The following APBB2 variants were observed in gnomAD, a reference collection of about 807,000 sequenced individuals.
APBB2 encodes Fe65-like 1.
A neutral mutation model predicts 82.5 loss-of-function variants in APBB2; 38 were observed. The observed-to-expected ratio is 0.46, with a 90% CI of 0.36 to 0.60. The LOEUF (loss-of-function observed/expected upper bound fraction) is 0.60, where lower values mean the gene tolerates loss of function less well. Among genes scored for constraint, APBB2 ranks in the 20% least tolerant of loss-of-function variants. The pLI is 0.00. For missense variants in APBB2, 772 were observed against 972.3 expected, an observed-to-expected ratio of 0.79 and a Z score of 2.74; for synonymous variants, 341 against 368.2, an observed-to-expected ratio of 0.93 and a Z score of 0.85.
At chr4:40,910,422 A>G (rs1051957808) in intron 10 of APBB2, among the ~76,000 whole-genome samples, 1 of 151,822 alleles carries the variant, frequency 6.6e-6, no homozygotes, top group Non-Finnish European at 1.5e-5. Context: ...CTTTTTTTGT[A>G]GAGACGGGGT....
chr4:40,975,615 C>A (rs531905431), intron 6 of APBB2, among the ~76,000 whole-genome samples: 33 of 151,622 alleles, frequency 2.2e-4, no homozygotes, highest in Non-Finnish European at 3.7e-4. Context: ...GCCCCAGGCA[C>A]TGTATGAAAT....
At chr4:41,139,449 T>A (rs550735323) in intron 2 of APBB2, among the ~76,000 whole-genome samples, 3 of 152,272 alleles carry the variant, frequency 2.0e-5, no homozygotes, top group Non-Finnish European at 4.4e-5. Context: ...TATCCACATA[T>A]CTATATAAAA....
chr4:40,999,175 A>C (rs1014768165), intron 6 of APBB2, among the ~76,000 whole-genome samples: 1 of 152,188 alleles, frequency 6.6e-6, no homozygotes, highest in East Asian at 1.9e-4. Context: ...ACTACTCTGC[A>C]TCACACCTGT....
chr4:40,909,093 A>G (rs896140187), intron 10 of APBB2, among the ~76,000 whole-genome samples: 4 of 152,230 alleles, frequency 2.6e-5, no homozygotes, highest in Non-Finnish European at 5.9e-5. Flanking sequence ...CCCCTGTCAC[A>G]GTGGCCCTGC....
intron 7 of APBB2, among the ~76,000 whole-genome samples, chr4:40,939,045 C>T (rs968810491): frequency 5.3e-5 from 8 of 152,176 alleles, no homozygotes; most frequent in African/African-American, 4.8e-5. Context: ...TCATGCCCTG[C>T]ACCCACTCAG....
intron 15 of APBB2, 178 bp downstream of exon 15, chr4:40,825,709 C>T: frequency 3.4e-6 from 2 of 595,716 alleles, no homozygotes; most frequent in East Asian, 5.8e-5. Context: ...CGGGGCCTGT[C>T]CCTCTACTCA....
Position 40,816,031 on chromosome 4 carries a change from A to G in APBB2, c.*61T>C. On this transcript the variant is annotated 3_prime_UTR_variant, in exon 18 of 18. Coordinates refer to ENST00000508593, the MANE Select transcript of APBB2 (RefSeq NM_004307.2). Reference sequence around the variant, plus strand: ...GATGGAAGGTCGGATGGCGGAGTTCATTTTCTTTAGTGTAGCTAGTCAATC... The same window carrying G: ...GATGGAAGGTCGGATGGCGGAGTTCGTTTTCTTTAGTGTAGCTAGTCAATC... The G allele has an allele frequency of 6.4e-7, 1 of 1,573,810 alleles. No individual in the cohort carries two copies. Among genetic ancestry groups the G allele is most frequent in the East Asian group, 2.3e-5 (1 of 44,272 alleles).
At chr4:41,062,983 A>T (rs912362256) in intron 4 of APBB2, among the ~76,000 whole-genome samples, 1 of 152,234 alleles carries the variant, frequency 6.6e-6, no homozygotes, top group African/African-American at 2.4e-5. Context: ...TGAAAAAAGG[A>T]GCAAGTCCAC....
At chr4:41,142,216 C>T (rs1318848277) in intron 2 of APBB2, among the ~76,000 whole-genome samples, 1 of 152,198 alleles carries the variant, frequency 6.6e-6, no homozygotes, top group East Asian at 1.9e-4. Flanking sequence ...GACTTACCCA[C>T]TGAATGTCCA....
intron 10 of APBB2, among the ~76,000 whole-genome samples, chr4:40,899,654 T>A (rs1190702686): frequency 2.0e-5 from 3 of 152,246 alleles, no homozygotes; most frequent in African/African-American, 7.2e-5. Flanking sequence ...AAATATGGAC[T>A]TCGTTCTCTC....
At chr4:40,976,017 AC>A (rs1474304345) in intron 6 of APBB2, among the ~76,000 whole-genome samples, 1 of 152,074 alleles carries the variant, frequency 6.6e-6, no homozygotes, top group Non-Finnish European at 1.5e-5. Flanking sequence ...ATATTCAAAG[AC>A]TTTTATTAAA....
intron 2 of APBB2, among the ~76,000 whole-genome samples, chr4:41,116,072 C>T (rs1322197281): frequency 6.6e-6 from 1 of 152,330 alleles, no homozygotes; most frequent in East Asian, 1.9e-4. Context: ...CCTAAATGCC[C>T]ATCAATGATA....
intron 4 of APBB2, among the ~76,000 whole-genome samples, chr4:41,037,620 T>C (rs773898933): frequency 9.9e-5 from 15 of 152,214 alleles, no homozygotes; most frequent in Non-Finnish European, 1.6e-4. Context: ...CAAGGTCTAG[T>C]ACCACATTTT....
At chr4:41,154,711 A>T (rs1763047746) in intron 1 of APBB2, among the ~76,000 whole-genome samples, 1 of 152,212 alleles carries the variant, frequency 6.6e-6, no homozygotes, top group Non-Finnish European at 1.5e-5. Flanking sequence ...CTCTTTAGAC[A>T]TTTTGGCAGA....
In APBB2 at chr4:41,141,650, A is replaced by G. The variant is rs537876572; in HGVS notation, c.-261+1337T>C. ...TGCTGTACCTGAGACTGGGCAGTTT[A>G]CAAAAGAAAGAGGTTTAATGGACTT... On this transcript the variant is annotated intron_variant, in intron 2 of 17. Coordinates refer to ENST00000508593, the MANE Select transcript of APBB2 (RefSeq NM_004307.2). 7.2e-5 allele frequency among the ~76,000 whole-genome samples: 11 copies of G among 152,320 alleles called. No homozygotes were observed. The South Asian group carries it at 2.1e-3, about 29-fold the overall frequency.
At chr4:41,157,685 G>A (rs1227911243) in intron 1 of APBB2, among the ~76,000 whole-genome samples, 2 of 152,154 alleles carry the variant, frequency 1.3e-5, no homozygotes, top group African/African-American at 4.8e-5. Flanking sequence ...AATTTCCATG[G>A]CTCTTAGCTG....
At chr4:41,000,105 G>GTGTGTGTGTGTGTGTATA (rs10694468) in intron 6 of APBB2, among the ~76,000 whole-genome samples, 3 of 135,062 alleles carry the variant, frequency 2.2e-5, no homozygotes, top group Non-Finnish European at 4.7e-5. Context: ...GTGTGTGTGT[G>GTGTGTGTGTGTGTGTATA]TATAAATTAG....
intron 12 of APBB2, among the ~76,000 whole-genome samples, chr4:40,849,873 C>T (rs1025758887): frequency 6.4e-5 from 8 of 124,774 alleles, no homozygotes; most frequent in African/African-American, 6.3e-5. Context: ...GATTACTCGG[C>T]GCCACCACAC....
chr4:40,830,867 G>C lies in APBB2; in HGVS notation c.1530-290C>G, dbSNP rs1484293583. Among the ~76,000 whole-genome samples, 7 of 151,982 alleles carry C rather than the reference G, an allele frequency of 4.6e-5. No individual in the cohort carries two copies. The East Asian group carries it at 1.3e-3, about 29-fold the overall frequency. On this transcript the variant is annotated intron_variant, in intron 12 of 17. Transcript: ENST00000508593. ...GATGATTGTTTGAGGCCAGAAGTTT[G>C]AGACCAGCTCTCGAACCAGGCAACA...
Sources: allele counts gnomAD v4.1 joint callset (sites outside exome capture counted in the v4.1 genomes callset), GRCh38; gene constraint gnomAD v4.1.1; transcripts MANE v1.5; gene names NCBI Gene and HGNC (gene_info 2026-07-23, HGNC 2026-07-21).